Variants in FBXO28 observed in about 807,000 individuals in gnomAD.
FBXO28 encodes F-box protein 28, also known as F-box only protein 28.
A neutral mutation model predicts 38.1 loss-of-function variants in FBXO28; 8 were observed. The ratio of observed to expected loss-of-function variants is 0.21; its 90% CI spans 0.12 to 0.38. The LOEUF (loss-of-function observed/expected upper bound fraction) is 0.38. Ranked by LOEUF, FBXO28 falls within the 10% of genes least tolerant of loss-of-function variation. The pLI is 1.00. For synonymous variants in FBXO28, 168 were observed against 173.8 expected, an observed-to-expected ratio of 0.97 and a Z score of 0.26; for missense variants, 345 against 460.6, an observed-to-expected ratio of 0.75 and a Z score of 2.30.
At chr1:224,138,926 C>A (rs755241867) in intron 3 of FBXO28, among the ~76,000 whole-genome samples, 3 of 151,594 alleles carry the variant, frequency 2.0e-5, no homozygotes, top group Non-Finnish European at 4.4e-5. Flanking sequence ...GGACTACAGG[C>A]ACATGCCACC....
At chr1:224,125,136 G>A (rs1656875193) in intron 1 of FBXO28, among the ~76,000 whole-genome samples, 2 of 150,028 alleles carry the variant, frequency 1.3e-5, no homozygotes, top group South Asian at 4.2e-4. Flanking sequence ...TCTTTTGAGA[G>A]GAGGTCTTGC....
intron 4 of FBXO28, 92 bp from the exon 5 acceptor site, chr1:224,157,260 A>G (rs935312507): frequency 2.8e-6 from 4 of 1,418,392 alleles, no homozygotes; most frequent in South Asian, 1.4e-5. Flanking sequence ...CAGAAGTGAC[A>G]TAGTAAGGGT....
intron 3 of FBXO28, among the ~76,000 whole-genome samples, chr1:224,143,591 G>A (rs957041718): frequency 6.6e-6 from 1 of 152,188 alleles, no homozygotes; most frequent in African/African-American, 2.4e-5. Flanking sequence ...TTGGGAGGCC[G>A]AGGCGGGCAG....
At chr1:224,132,648 T>C (rs1261730444) in intron 2 of FBXO28, among the ~76,000 whole-genome samples, 1 of 151,710 alleles carries the variant, frequency 6.6e-6, no homozygotes, top group Non-Finnish European at 1.5e-5. Context: ...TCTACTAAAA[T>C]AGGAAAATTA....
Position 224,141,794 on chromosome 1 carries a change from GT to G in FBXO28, c.516+7585del, listed in dbSNP as rs1431504446. ...GGGCATTTATCATGAATGAAACTCA[GT>G]TTCTCTGGGTAAGTCAGTGAGTGAG... On this transcript the variant is annotated intron_variant, in intron 3 of 4. Coordinates refer to ENST00000366862, the MANE Select transcript of FBXO28 (RefSeq NM_015176.4). 3.3e-5 allele frequency among the ~76,000 whole-genome samples: 5 copies of G among 152,128 alleles called. No individual in the cohort carries two copies. The East Asian group carries it at 9.6e-4, about 29-fold the overall frequency.
intron 3 of FBXO28, among the ~76,000 whole-genome samples, chr1:224,141,206 C>G (rs1044512254): frequency 1.3e-5 from 2 of 151,572 alleles, no homozygotes; most frequent in African/African-American, 4.9e-5. Context: ...GGCATGGTGG[C>G]TCACGCCTGT....
intron 1 of FBXO28, among the ~76,000 whole-genome samples, chr1:224,114,784 G>A (rs1264940859): frequency 6.6e-6 from 1 of 152,212 alleles, no homozygotes; most frequent in Non-Finnish European, 1.5e-5. Context: ...TGGGTTTGGG[G>A]AGAAAACTCA....
intron 3 of FBXO28, among the ~76,000 whole-genome samples, chr1:224,149,323 C>G (rs900417479): frequency 6.8e-6 from 1 of 146,868 alleles, no homozygotes; most frequent in Non-Finnish European, 1.5e-5. Context: ...CTGGACTGAT[C>G]ACAGCTCATG....
chr1:224,147,357 A>G (rs1415427964), intron 3 of FBXO28, among the ~76,000 whole-genome samples: 1 of 149,390 alleles, frequency 6.7e-6, no homozygotes, highest in African/African-American at 2.5e-5. Context: ...CCGGAGGCAG[A>G]GGTTGCAGTG....
chr1:224,127,202 GTGTGTGTT>G (rs1558188471), intron 1 of FBXO28, among the ~76,000 whole-genome samples: 1 of 148,226 alleles, frequency 6.7e-6, no homozygotes, highest in Non-Finnish European at 1.5e-5. Context: ...GTGTGTGTGT[GTGTGTGTT>G]TATGTTTGGC....
rs373347753 is a variant in FBXO28, at chr1:224,114,254, A to T, written c.125A>T (p.Gln42Leu). ...QPPPPAPQHP[Q>L]PGSQALPAPA... Reference sequence around the variant, plus strand: ...CCACCGCCCGCGCCACAGCACCCGCAGCCGGGGTCCCAGGCGCTCCCAGCC... The same window carrying T: ...CCACCGCCCGCGCCACAGCACCCGCTGCCGGGGTCCCAGGCGCTCCCAGCC... Residue 42 changes from glutamine (Q) to leucine (L), a missense_variant, in exon 1 of 5, where the codon CAG becomes CTG. Physicochemically the swap from Gln to Leu is moderately radical, Grantham distance 113. Transcript: ENST00000366862. 4 of 1,554,560 alleles carry T rather than the reference A, an allele frequency of 2.6e-6. No homozygotes were observed. The highest frequency in any genetic ancestry group is 3.5e-6 in the Non-Finnish European group (4 of 1,149,308).
At chr1:224,152,393 T>G (rs1363870920) in intron 3 of FBXO28, among the ~76,000 whole-genome samples, 1 of 152,136 alleles carries the variant, frequency 6.6e-6, no homozygotes, top group Admixed American at 6.5e-5. Context: ...GTTTGGAGGA[T>G]TAATAAAATG....
intron 3 of FBXO28, 162 bp downstream of exon 3, chr1:224,134,374 T>C (rs990547563): frequency 5.6e-6 from 3 of 534,840 alleles, no homozygotes; most frequent in Middle Eastern, 5.0e-4. Context: ...ATGTATCATT[T>C]GTATGATCTT....
At position 224,147,372 on chromosome 1, in the gene FBXO28, G is replaced by A. The variant is rs1427675423; in HGVS notation, c.517-5770G>A. Among the ~76,000 whole-genome samples the A allele has an allele frequency of 1.4e-4, 21 of 147,902 alleles. No homozygotes were observed. The East Asian group carries it at 4.2e-3, about 30-fold the overall frequency. On this transcript the variant is annotated intron_variant, in intron 3 of 4. Transcript: ENST00000366862. ...CCGGAGGCAGAGGTTGCAGTGAGCC[G>A]AGATCATGCCACTGCACTCCAGCCT...
At chr1:224,151,945 G>A (rs12563153) in intron 3 of FBXO28, among the ~76,000 whole-genome samples, 62,672 of 151,740 alleles carry the variant, frequency 0.41, 13,139 homozygotes, top group East Asian at 0.57. Context: ...GGGAGGCTGA[G>A]GCAGGAGAAT....
Position 224,158,061 on chromosome 1 carries a change from G to T in FBXO28, c.*315G>T. On this transcript the variant is annotated 3_prime_UTR_variant, in exon 5 of 5. Coordinates refer to ENST00000366862, the MANE Select transcript of FBXO28 (RefSeq NM_015176.4). Reference sequence around the variant, plus strand: ...TTTCTGCATATATGCACATACATACGTAAGGATCTTAAACCCAGTCTTGAC... The same window carrying T: ...TTTCTGCATATATGCACATACATACTTAAGGATCTTAAACCCAGTCTTGAC... 9.5e-7 allele frequency: 1 copy of T among 1,054,984 alleles called. No individual in the cohort carries two copies. The highest frequency in any genetic ancestry group is 1.1e-6 in the Non-Finnish European group (1 of 875,450). 65.4% of individuals were successfully genotyped at this position (1,054,984 alleles called of 1,614,324 possible).
chr1:224,142,245 G>A (rs6657095), intron 3 of FBXO28, among the ~76,000 whole-genome samples: 151,608 of 151,734 alleles, frequency 1, 75,741 homozygotes, highest in Middle Eastern at 1. Flanking sequence ...CCAGCTACTC[G>A]GGAGGCTGAG....
chr1:224,131,433 C>A (rs1407688247), intron 2 of FBXO28, among the ~76,000 whole-genome samples: 1 of 152,070 alleles, frequency 6.6e-6, no homozygotes, highest in East Asian at 1.9e-4. Context: ...TAGTACAGAG[C>A]TATAGTAATC....
intron 3 of FBXO28, among the ~76,000 whole-genome samples, chr1:224,144,706 G>A (rs556994840): frequency 2.0e-5 from 3 of 152,026 alleles, no homozygotes; most frequent in South Asian, 2.1e-4. Flanking sequence ...GCAGTGAGCC[G>A]AGATCGTGCC....
Sources: gnomAD v4.1 joint callset for allele counts (sites outside exome capture counted in the v4.1 genomes callset) on GRCh38, gnomAD v4.1.1 for gene constraint, MANE v1.5 for transcripts, NCBI Gene and HGNC (gene_info 2026-07-23, HGNC 2026-07-21) for gene names.